SLC25A26: variants seen among roughly 807,000 people sequenced by gnomAD.
SLC25A26 encodes solute carrier family 25 member 26.
Under a neutral mutation model 37.8 loss-of-function variants are expected in SLC25A26, and 36 were observed. The ratio of observed to expected loss-of-function variants is 0.95; its 90% confidence interval spans 0.73 to 1.26. SLC25A26 has a LOEUF of 1.26. SLC25A26 is among the 50% of genes most tolerant of loss of function. The pLI is 0.00. For missense variants in SLC25A26, 390 were observed against 331.1 expected (o/e 1.18, Z -1.38); for synonymous variants, 129 against 122.5 (o/e 1.05, Z -0.35).
chr3:66,328,935 T>A (rs1367861792), intron 5 of SLC25A26, among the ~76,000 whole-genome samples: 5 of 152,166 alleles, frequency 3.3e-5, no homozygotes, highest in Non-Finnish European at 5.9e-5. Flanking sequence ...CTGGCCAACC[T>A]TTTTAAAAAT....
intron 1 of SLC25A26, among the ~76,000 whole-genome samples, chr3:66,147,704 A>G (rs1183983366): frequency 1.3e-5 from 2 of 152,204 alleles, no homozygotes; most frequent in Non-Finnish European, 2.9e-5. Flanking sequence ...CATTCCCACC[A>G]GCAATGTAAA....
intron 5 of SLC25A26, among the ~76,000 whole-genome samples, chr3:66,298,181 A>G (rs1012255352): frequency 6.6e-6 from 1 of 152,228 alleles, no homozygotes; most frequent in Admixed American, 6.5e-5. Context: ...GAACCACTGG[A>G]CTAGGTGATA....
chr3:66,304,988 G>A (rs376551190), intron 5 of SLC25A26, among the ~76,000 whole-genome samples: 24 of 152,198 alleles, frequency 1.6e-4, no homozygotes, highest in East Asian at 1.4e-3. Context: ...TTTATGACAC[G>A]GTAGTATCAC....
upstream of SLC25A26, among the ~76,000 whole-genome samples, chr3:66,216,104 C>T (rs1204749404): frequency 6.6e-6 from 1 of 152,170 alleles, no homozygotes; most frequent in Non-Finnish European, 1.5e-5. Flanking sequence ...AAGGGAGGAG[C>T]CATCATGACC....
At chr3:66,371,447 G>A in intron 9 of SLC25A26, 1 of 1,392,524 alleles carries the variant, frequency 7.2e-7, no homozygotes, top group Non-Finnish European at 9.4e-7. Flanking sequence ...TTTTATAGGA[G>A]AGCAGCACAT....
intron 2 of SLC25A26, among the ~76,000 whole-genome samples, chr3:66,240,003 A>C (rs782424129): frequency 2.6e-5 from 4 of 151,862 alleles, no homozygotes; most frequent in African/African-American, 4.8e-5. Flanking sequence ...TTCCAGCATC[A>C]CTAGTGGCAC....
chr3:66,196,449 C>T (rs1232622862), intron 1 of SLC25A26, among the ~76,000 whole-genome samples: 1 of 152,012 alleles, frequency 6.6e-6, no homozygotes, highest in Non-Finnish European at 1.5e-5. Context: ...AGTAAAAAGG[C>T]GTCAGAAAGT....
intron 5 of SLC25A26, among the ~76,000 whole-genome samples, chr3:66,269,633 C>T (rs1490380453): frequency 6.6e-6 from 1 of 152,138 alleles, no homozygotes; most frequent in African/African-American, 2.4e-5. Flanking sequence ...AAAAATGTTA[C>T]CAAGCAACTA....
At chr3:66,364,468 A>T (rs2076782453) in intron 7 of SLC25A26, among the ~76,000 whole-genome samples, 1 of 152,182 alleles carries the variant, frequency 6.6e-6, no homozygotes, top group African/African-American at 2.4e-5. Context: ...ACGGCTACAC[A>T]TCTAGCACAG....
chr3:66,229,874 A>C (rs2071929336), intron 1 of SLC25A26, among the ~76,000 whole-genome samples: 1 of 152,100 alleles, frequency 6.6e-6, no homozygotes, highest in Non-Finnish European at 1.5e-5. Context: ...TAAAAAAAAA[A>C]CTGAATGTAC....
rs540498737 is a variant in SLC25A26 at position 66,229,840 on chromosome 3, T to C, written c.34-6704T>C. Among the ~76,000 whole-genome samples, 16 of 151,956 alleles carry C rather than the reference T, an allele frequency of 1.1e-4. No homozygotes were observed. The South Asian group carries it at 2.8e-3, about 26-fold the overall frequency. ...GAGTCAGATTCTAGAACCATTATTA[T>C]TGTATTCTTGAGAATAGCCTCACTA... On this transcript the variant is annotated intron_variant, in intron 1 of 9. Coordinates refer to ENST00000354883, the MANE Select transcript of SLC25A26 (RefSeq NM_001379210.1).
At chr3:66,319,663 A>G (rs1238077953) in intron 5 of SLC25A26, among the ~76,000 whole-genome samples, 1 of 152,054 alleles carries the variant, frequency 6.6e-6, no homozygotes, top group Non-Finnish European at 1.5e-5. Flanking sequence ...AATACTGTAG[A>G]CAAAACAAAA....
intron 5 of SLC25A26, among the ~76,000 whole-genome samples, chr3:66,346,061 G>C (rs1050043202): frequency 5.3e-5 from 8 of 152,168 alleles, no homozygotes; most frequent in Non-Finnish European, 1.0e-4. Context: ...TGGGTGTGGT[G>C]GCGTGTGCCT....
chr3:66,369,494 A>AGGGAC lies in SLC25A26; in HGVS notation c.586_587insGGACG (p.Val196GlyfsTer7), dbSNP rs759981319. On this transcript the variant is annotated frameshift_variant, in exon 8 of 10. Transcript: ENST00000354883. LOFTEE classifies it high-confidence loss of function. Reference sequence around the variant, plus strand: ...TTTGTACAGGTGGATTTGCCGCTGCAGTCACCACCCCTCTAGACGTGGCAA... The same window carrying AGGGAC: ...TTTGTACAGGTGGATTTGCCGCTGCAGGGACGTCACCACCCCTCTAGACGTGGCAA... 6.2e-7 allele frequency: 1 copy of AGGGAC among 1,605,238 alleles called. No individual in the cohort carries two copies. The highest frequency in any genetic ancestry group is 1.3e-5 in the African/African-American group (1 of 74,850).
intron 6 of SLC25A26, among the ~76,000 whole-genome samples, chr3:66,353,090 G>C (rs1340200816): frequency 6.6e-6 from 1 of 152,184 alleles, no homozygotes; most frequent in Non-Finnish European, 1.5e-5. Context: ...AGACAACCCA[G>C]AGAGGTGGGC....
At chr3:66,253,688 T>G (rs750551795) in intron 3 of SLC25A26, among the ~76,000 whole-genome samples, 7 of 152,168 alleles carry the variant, frequency 4.6e-5, no homozygotes, top group Non-Finnish European at 1.0e-4. Context: ...CCTTCAGAAT[T>G]ATAGATAATA....
intron 9 of SLC25A26, chr3:66,371,226 G>A (rs1435887214): frequency 6.6e-7 from 1 of 1,525,642 alleles, no homozygotes; most frequent in Non-Finnish European, 8.8e-7. Flanking sequence ...GGATTTTCTT[G>A]CAAGAGCAAA....
At chr3:66,289,151 T>A (rs2074617006) in intron 5 of SLC25A26, among the ~76,000 whole-genome samples, 1 of 152,206 alleles carries the variant, frequency 6.6e-6, no homozygotes, top group African/African-American at 2.4e-5. Flanking sequence ...GTTCATATCC[T>A]TTGCCCAGTT....
chr3:66,145,345 A>G (rs1007580432), intron 1 of SLC25A26, among the ~76,000 whole-genome samples: 11 of 152,214 alleles, frequency 7.2e-5, no homozygotes, highest in African/African-American at 2.4e-4. Context: ...AACTTGGGCC[A>G]ATAAAGGCAG....
Sources: allele counts gnomAD v4.1 joint callset (sites outside exome capture counted in the v4.1 genomes callset), GRCh38; gene constraint gnomAD v4.1.1; transcripts MANE v1.5; gene names NCBI Gene and HGNC (gene_info 2026-07-23, HGNC 2026-07-21).